The following CCDC169 variants were observed in gnomAD, a reference collection of about 807,000 sequenced individuals.
CCDC169 encodes the protein coiled-coil domain-containing protein 169.
CCDC169 carries 30 observed loss-of-function variants against 36.0 expected under a neutral mutation model. The ratio of observed to expected loss-of-function variants is 0.83; its 90% confidence interval spans 0.62 to 1.13. The LOEUF (loss-of-function observed/expected upper bound fraction) is 1.13. Among genes scored for constraint, CCDC169 ranks in the 50% most tolerant of loss-of-function variants. The pLI is 0.00. For missense variants in CCDC169, 245 were observed against 245.9 expected (o/e 1.00, Z 0.03); for synonymous variants, 85 against 81.5 (o/e 1.04, Z -0.23).
chr13:36,230,989 C>T lies in CCDC169; in HGVS notation c.*204G>A. 1 of 1,326,702 alleles carries T rather than the reference C, an allele frequency of 7.5e-7. No homozygotes were observed. Among genetic ancestry groups the T allele is most frequent in the Non-Finnish European group, 9.6e-7 (1 of 1,040,232 alleles). 82.2% of individuals were successfully genotyped at this position (1,326,702 alleles called of 1,614,324 possible). A position where few individuals can be genotyped will look rare whatever the true frequency, so the allele number is the denominator to read the frequency against. ...TAGGATATTTTAAAACTCTCAAGCA[C>T]TTCTATTACATAGTTTAGGGTCACT... is the stretch of plus-strand genomic sequence containing the variant. On this transcript the variant is annotated 3_prime_UTR_variant, in exon 8 of 8. Coordinates refer to ENST00000239859, the MANE Select transcript of CCDC169 (RefSeq NM_001144981.3).
chr13:36,240,617 A>G (rs1227926770), intron 7 of CCDC169: 2 of 1,284,400 alleles, frequency 1.6e-6, no homozygotes, highest in Non-Finnish European at 2.0e-6. Flanking sequence ...CCAGGGTACC[A>G]ATGGCTCCTT....
At chr13:36,241,363 T>C (rs1222571175) in intron 7 of CCDC169, among the ~76,000 whole-genome samples, 2 of 146,638 alleles carry the variant, frequency 1.4e-5, no homozygotes, top group African/African-American at 2.5e-5. Flanking sequence ...ATTATCATCA[T>C]ACTGGAAGAT....
chr13:36,236,888 A>T (rs1397088818), intron 7 of CCDC169, among the ~76,000 whole-genome samples: 2 of 152,060 alleles, frequency 1.3e-5, no homozygotes, highest in Non-Finnish European at 2.9e-5. Flanking sequence ...ACCAAAATTC[A>T]CAGATGCTCA....
intron 6 of CCDC169, among the ~76,000 whole-genome samples, chr13:36,251,968 A>T (rs1233759634): frequency 6.6e-6 from 1 of 152,246 alleles, no homozygotes; most frequent in Non-Finnish European, 1.5e-5. Flanking sequence ...AAACCCCTGC[A>T]AGATACTGAT....
intron 6 of CCDC169, among the ~76,000 whole-genome samples, chr13:36,252,186 T>C (rs1873256460): frequency 6.6e-6 from 1 of 152,154 alleles, no homozygotes; most frequent in South Asian, 2.1e-4. Flanking sequence ...TCCAAGCACA[T>C]AGTCTGAGGA....
intron 4 of CCDC169, among the ~76,000 whole-genome samples, chr13:36,271,617 T>A (rs568918072): frequency 6.6e-6 from 1 of 152,266 alleles, no homozygotes; most frequent in South Asian, 2.1e-4. Context: ...GTAACTTGGA[T>A]GGAATAGAAG....
chr13:36,253,527 G>A (rs1334338857), intron 6 of CCDC169, among the ~76,000 whole-genome samples: 1 of 152,098 alleles, frequency 6.6e-6, no homozygotes, highest in Non-Finnish European at 1.5e-5. Flanking sequence ...AGTAGAGACA[G>A]GGTTTCGCTA....
chr13:36,256,071 A>G (rs893280743), intron 4 of CCDC169, among the ~76,000 whole-genome samples: 1 of 152,078 alleles, frequency 6.6e-6, no homozygotes, highest in African/African-American at 2.4e-5. Flanking sequence ...CGTTGCTTCC[A>G]TCTTGCAATT....
intron 4 of CCDC169, among the ~76,000 whole-genome samples, chr13:36,265,526 T>G (rs1284341613): frequency 6.6e-6 from 1 of 152,186 alleles, no homozygotes; most frequent in Non-Finnish European, 1.5e-5. Flanking sequence ...TTTTTCCCCA[T>G]AAGACACCCA....
intron 2 of CCDC169, 140 bp from the exon 3 acceptor site, chr13:36,283,842 T>G (rs1340041074): frequency 2.9e-6 from 2 of 679,380 alleles, no homozygotes; most frequent in Non-Finnish European, 4.9e-6. Context: ...AGGAAATAGT[T>G]ATTAAGTCTG....
chr13:36,294,611 A>G (rs1353205954), intron 2 of CCDC169, among the ~76,000 whole-genome samples: 1 of 152,130 alleles, frequency 6.6e-6, no homozygotes, highest in African/African-American at 2.4e-5. Context: ...CCCCTCAGAC[A>G]CCAAGTTAAA....
downstream of CCDC169, chr13:36,227,419 A>G: frequency 1.4e-6 from 2 of 1,478,512 alleles, no homozygotes; most frequent in Non-Finnish European, 1.8e-6. Flanking sequence ...GAATAAGGAC[A>G]GCGAAGGTAC....
chr13:36,279,737 A>C (rs1877270327), intron 4 of CCDC169, among the ~76,000 whole-genome samples: 1 of 152,194 alleles, frequency 6.6e-6, no homozygotes, highest in South Asian at 2.1e-4. Context: ...GATTTTTTAG[A>C]ATACAGCCCA....
intron 2 of CCDC169, among the ~76,000 whole-genome samples, chr13:36,284,966 A>G (rs1330920750): frequency 6.6e-6 from 1 of 152,156 alleles, no homozygotes; most frequent in East Asian, 1.9e-4. Flanking sequence ...TTGGAAAGGT[A>G]CAAGAAGAAA....
chr13:36,254,281 T>A, intron 4 of CCDC169, 138 bp from the exon 5 acceptor site: 2 of 563,672 alleles, frequency 3.5e-6, no homozygotes, highest in Middle Eastern at 5.3e-4. Context: ...TGTACTTTTT[T>A]TTTTTTTTTT....
chr13:36,279,165 T>C (rs1877204171), intron 4 of CCDC169, among the ~76,000 whole-genome samples: 1 of 152,086 alleles, frequency 6.6e-6, no homozygotes. Context: ...GTTTCTCTGA[T>C]TCAATTCTAA....
At chr13:36,268,206 A>C (rs1875581406) in intron 4 of CCDC169, among the ~76,000 whole-genome samples, 1 of 152,254 alleles carries the variant, frequency 6.6e-6, no homozygotes, top group African/African-American at 2.4e-5. Flanking sequence ...TCTCCAAGAC[A>C]GACCATATGA....
chr13:36,238,075 G>C (rs950657398), intron 7 of CCDC169, among the ~76,000 whole-genome samples: 4 of 152,242 alleles, frequency 2.6e-5, no homozygotes, highest in South Asian at 2.1e-4. Context: ...AACAAGACCA[G>C]AGAAAACCAT....
chr13:36,288,672 C>G (rs970903754), intron 2 of CCDC169, among the ~76,000 whole-genome samples: 1 of 151,950 alleles, frequency 6.6e-6, no homozygotes, highest in Non-Finnish European at 1.5e-5. Flanking sequence ...ACTAAGAATT[C>G]TAATATATAA....
Sources: gnomAD v4.1 joint callset for allele counts (sites outside exome capture counted in the v4.1 genomes callset) on GRCh38, gnomAD v4.1.1 for gene constraint, MANE v1.5 for transcripts, NCBI Gene and HGNC (gene_info 2026-07-23, HGNC 2026-07-21) for gene names.